The following PDE4D variants were observed in gnomAD, a reference collection of about 807,000 sequenced individuals.
PDE4D encodes 3',5'-cyclic-AMP phosphodiesterase 4D.
PDE4D carries 24 observed loss-of-function variants against 87.4 expected under a neutral mutation model. That is an observed-to-expected ratio of 0.27 (90% CI 0.20 to 0.39). The LOEUF (loss-of-function observed/expected upper bound fraction) is 0.39, where lower values mean the gene tolerates loss of function less well. Ranked by LOEUF, PDE4D falls within the 10% of genes least tolerant of loss-of-function variation. The pLI is 1.00. For missense variants in PDE4D, 714 were observed against 1,041.0 expected (o/e 0.69, Z 4.32); for synonymous variants, 384 against 383.2 (o/e 1.00, Z -0.02).
At chr5:60,015,544 CAG>C (rs1405878659) in intron 2 of PDE4D, among the ~76,000 whole-genome samples, 2 of 152,174 alleles carry the variant, frequency 1.3e-5, no homozygotes, top group African/African-American at 2.4e-5. Context: ...AGACACTACA[CAG>C]AGAGTATGAT....
Position 59,295,426 on chromosome 5 carries a change from T to G in PDE4D, c.456-79458A>C, listed in dbSNP as rs182179818. On this transcript the variant is annotated intron_variant, in intron 1 of 14. Transcript: ENST00000340635. ...CAAAAGTGTGACTTTCTCTTTCTGGTCTTGACAGGCTTTTGTTTTGATAGA... is the reference window on the plus strand; with the variant it reads ...CAAAAGTGTGACTTTCTCTTTCTGGGCTTGACAGGCTTTTGTTTTGATAGA... Among the ~76,000 whole-genome samples, 82 of 152,238 alleles carry G rather than the reference T, an allele frequency of 5.4e-4. 1 individual carries two copies. The highest frequency in any genetic ancestry group is 7.4e-5 in the Non-Finnish European group (5 of 68,010).
intron 1 of PDE4D, among the ~76,000 whole-genome samples, chr5:59,572,520 G>A (rs1036547056): frequency 6.6e-5 from 10 of 151,528 alleles, no homozygotes; most frequent in South Asian, 2.1e-4. Flanking sequence ...TTGCTCTTTC[G>A]CCCAGGCCGG....
chr5:60,285,790 C>T (rs1300492913), intron 1 of PDE4D, among the ~76,000 whole-genome samples: 1 of 152,168 alleles, frequency 6.6e-6, no homozygotes, highest in African/African-American at 2.4e-5. Flanking sequence ...AATAAAATGA[C>T]CTTGAGAATT....
At chr5:59,738,166 T>C (rs377647291) in intron 1 of PDE4D, among the ~76,000 whole-genome samples, 299 of 152,252 alleles carry the variant, frequency 2.0e-3, no homozygotes, top group South Asian at 5.4e-3. Flanking sequence ...CTCAATTTTT[T>C]ATAGACAGGC....
intron 1 of PDE4D, chr5:60,448,833 C>T (rs1386180097): frequency 6.6e-6 from 1 of 152,036 alleles, no homozygotes; most frequent in African/African-American, 2.4e-5. Context: ...AGAGGGTAGC[C>T]TTTGCATAAT....
intron 1 of PDE4D, among the ~76,000 whole-genome samples, chr5:59,229,257 T>C (rs1055482864): frequency 7.9e-5 from 12 of 152,328 alleles, no homozygotes; most frequent in South Asian, 2.1e-4. Flanking sequence ...TGGGTATCTT[T>C]AGACGCAGCG....
chr5:59,754,186 C>T (rs1360746779), intron 1 of PDE4D, among the ~76,000 whole-genome samples: 7 of 151,928 alleles, frequency 4.6e-5, no homozygotes, highest in South Asian at 2.1e-4. Context: ...AAAAATTAGG[C>T]GGGTATGGTG....
chr5:59,111,407 T>C (rs1007519086), intron 5 of PDE4D, among the ~76,000 whole-genome samples: 3 of 152,160 alleles, frequency 2.0e-5, no homozygotes, highest in African/African-American at 7.2e-5. Flanking sequence ...AATTCTACAG[T>C]TTTCTAGGGA....
chr5:59,908,166 T>C (rs1271265261), intron 3 of PDE4D, among the ~76,000 whole-genome samples: 2 of 152,114 alleles, frequency 1.3e-5, no homozygotes, highest in African/African-American at 4.8e-5. Context: ...AATATTCATG[T>C]TTAAAAAGAA....
At chr5:59,798,253 CCTGT>C (rs1260824798) in intron 1 of PDE4D, among the ~76,000 whole-genome samples, 1 of 84,518 alleles carries the variant, frequency 1.2e-5, no homozygotes, top group African/African-American at 5.3e-5. Context: ...TATATAAATG[CCTGT>C]GTGTGTGTGT....
intron 1 of PDE4D, among the ~76,000 whole-genome samples, chr5:59,513,473 A>T (rs1367821762): frequency 6.6e-6 from 1 of 152,194 alleles, no homozygotes; most frequent in Non-Finnish European, 1.5e-5. Context: ...ATCCTTTAAC[A>T]TCAGAGCTGA....
rs372140735 is a variant in PDE4D, at chr5:59,954,073, G to C, written c.272+34415C>G. Among the ~76,000 whole-genome samples, 3 of 150,812 alleles carry C rather than the reference G, an allele frequency of 2.0e-5. No individual in the cohort carries two copies. The East Asian group carries it at 6.0e-4, about 30-fold the overall frequency. ...CCCAAGTAGCTGGGACTACAGGCAT[G>C]CGCCACCATGCCCGGCTAATTTTTG... is the stretch of plus-strand genomic sequence containing the variant. On this transcript the variant is annotated intron_variant, in intron 3 of 16. Coordinates refer to the PDE4D transcript ENST00000502484.
At chr5:60,474,149 T>TATATATATATATA (rs1212803987) in intron 1 of PDE4D, among the ~76,000 whole-genome samples, 1 of 94,436 alleles carries the variant, frequency 1.1e-5, no homozygotes, top group African/African-American at 6.9e-5. Flanking sequence ...TATATATATA[T>TATATATATATATA]AACAAAAACC....
At chr5:59,347,740 C>T (rs1779842127) in intron 1 of PDE4D, among the ~76,000 whole-genome samples, 1 of 152,100 alleles carries the variant, frequency 6.6e-6, no homozygotes, top group African/African-American at 2.4e-5. Context: ...CTTTCCCTCA[C>T]TGTATTTTTA....
At chr5:59,472,390 C>T (rs1041916292) in intron 1 of PDE4D, among the ~76,000 whole-genome samples, 11 of 152,082 alleles carry the variant, frequency 7.2e-5, no homozygotes, top group African/African-American at 2.7e-4. Context: ...TCACATCAAC[C>T]AACCTCCTAA....
chr5:60,475,370 T>A (rs1748227700), intron 1 of PDE4D, among the ~76,000 whole-genome samples: 1 of 151,992 alleles, frequency 6.6e-6, no homozygotes. Flanking sequence ...AACACTGAGA[T>A]TTGGGGATTG....
chr5:59,835,995 C>T (rs1386910985), intron 1 of PDE4D, among the ~76,000 whole-genome samples: 1 of 151,982 alleles, frequency 6.6e-6, no homozygotes, highest in Non-Finnish European at 1.5e-5. Flanking sequence ...GGTTGCTTAT[C>T]TCTGTTTCAG....
intron 1 of PDE4D, among the ~76,000 whole-genome samples, chr5:59,577,577 G>A (rs1310463133): frequency 6.6e-6 from 1 of 152,134 alleles, no homozygotes; most frequent in Non-Finnish European, 1.5e-5. Context: ...AAAATATGGA[G>A]ACTCAAGGGA....
intron 5 of PDE4D, among the ~76,000 whole-genome samples, chr5:59,116,269 A>G (rs1236552160): frequency 6.6e-6 from 1 of 152,158 alleles, no homozygotes; most frequent in Non-Finnish European, 1.5e-5. Flanking sequence ...AACAAGAAGG[A>G]ATGATTTCCA....
Sources: allele counts gnomAD v4.1 joint callset (sites outside exome capture counted in the v4.1 genomes callset), GRCh38; gene constraint gnomAD v4.1.1; transcripts MANE v1.5; gene names NCBI Gene and HGNC (gene_info 2026-07-23, HGNC 2026-07-21).